ZFHX3: variants seen among roughly 807,000 people sequenced by gnomAD.
The protein encoded by ZFHX3 is zinc finger homeobox protein 3.
ZFHX3 carries 42 observed loss-of-function variants against 279.1 expected under a neutral mutation model. That is an observed-to-expected ratio of 0.15 (90% CI 0.12 to 0.19). The LOEUF is 0.19. Ranked by LOEUF, ZFHX3 falls within the 10% of genes least tolerant of loss-of-function variation. The probability of loss-of-function intolerance (pLI) is 1.00; values close to 1 mark genes in which losing one functional copy is unlikely to be tolerated. For missense variants in ZFHX3, 4,981 were observed against 4,754.0 expected, an observed-to-expected ratio of 1.05 and a Z score of -1.40; for synonymous variants, 2,293 against 1,957.8, an observed-to-expected ratio of 1.17 and a Z score of -4.52.
chr16:73,576,143 A>AT (rs573434789), intron 2 of ZFHX3, among the ~76,000 whole-genome samples: 182 of 151,076 alleles, frequency 1.2e-3, no homozygotes, highest in Non-Finnish European at 2.0e-3. Flanking sequence ...TCATGGCACT[A>AT]TTTTTTTTTA....
chr16:73,494,059 C>G (rs1182310372), intron 2 of ZFHX3, among the ~76,000 whole-genome samples: 1 of 152,132 alleles, frequency 6.6e-6, no homozygotes, highest in Non-Finnish European at 1.5e-5. Flanking sequence ...CCTCCCCGGT[C>G]TCCCTCAGGG....
chr16:73,800,378 G>A (rs1352406822), intron 1 of ZFHX3, among the ~76,000 whole-genome samples: 1 of 151,900 alleles, frequency 6.6e-6, no homozygotes, highest in Non-Finnish European at 1.5e-5. Flanking sequence ...CCACCCGCCT[G>A]GCTAATTTTT....
At chr16:73,677,259 T>C (rs2052964608) in intron 2 of ZFHX3, among the ~76,000 whole-genome samples, 3 of 151,942 alleles carry the variant, frequency 2.0e-5, no homozygotes, top group Non-Finnish European at 4.4e-5. Context: ...TCAACCACTT[T>C]AAAATTTAAA....
chr16:72,904,169 C>T (rs574999134), intron 3 of ZFHX3, among the ~76,000 whole-genome samples: 1 of 152,154 alleles, frequency 6.6e-6, no homozygotes. Flanking sequence ...AGTTAGAGAC[C>T]AGCTTGGCCA....
At chr16:72,991,194 C>T (rs61208973) in intron 1 of ZFHX3, among the ~76,000 whole-genome samples, 26,876 of 152,070 alleles carry the variant, frequency 0.18, 2,649 homozygotes, top group East Asian at 0.41. Flanking sequence ...ACTGTCATTA[C>T]AGGATATTGT....
At chr16:73,747,249 T>A (rs536114745) in intron 1 of ZFHX3, among the ~76,000 whole-genome samples, 1 of 152,124 alleles carries the variant, frequency 6.6e-6, no homozygotes, top group African/African-American at 2.4e-5. Flanking sequence ...CCAGACATGA[T>A]GGCTCATGCC....
chr16:73,374,015 A>G (rs538053428), intron 3 of ZFHX3, among the ~76,000 whole-genome samples: 1 of 152,338 alleles, frequency 6.6e-6, no homozygotes, highest in African/African-American at 2.4e-5. Flanking sequence ...GATGGAATGC[A>G]GCATGCACGG....
intron 1 of ZFHX3, among the ~76,000 whole-genome samples, chr16:73,846,365 G>A (rs1464371529): frequency 1.3e-5 from 2 of 152,144 alleles, no homozygotes; most frequent in East Asian, 3.9e-4. Context: ...AAACATGAAT[G>A]AGCCAATTAA....
chr16:73,692,817 G>A (rs539216759), intron 1 of ZFHX3, among the ~76,000 whole-genome samples: 2 of 152,132 alleles, frequency 1.3e-5, no homozygotes, highest in African/African-American at 4.8e-5. Context: ...AATTATTCCT[G>A]GCATGAAAGA....
chr16:73,254,511 T>C (rs1274173791), intron 5 of ZFHX3, among the ~76,000 whole-genome samples: 2 of 151,982 alleles, frequency 1.3e-5, no homozygotes, highest in African/African-American at 4.8e-5. Context: ...GAAAGAATCA[T>C]GGGATTCTTT....
intron 2 of ZFHX3, among the ~76,000 whole-genome samples, chr16:73,651,211 G>C (rs2142165610): frequency 6.7e-6 from 1 of 148,226 alleles, no homozygotes; most frequent in East Asian, 2.0e-4. Flanking sequence ...GTATTAGTCA[G>C]ATGAAATTAT....
chr16:73,634,594 C>T (rs1027439598), intron 2 of ZFHX3, among the ~76,000 whole-genome samples: 3 of 151,828 alleles, frequency 2.0e-5, no homozygotes, highest in Non-Finnish European at 4.4e-5. Flanking sequence ...TTATTTAACC[C>T]ATTTTGCACC....
chr16:73,427,863 A>C (rs751263211), intron 3 of ZFHX3, among the ~76,000 whole-genome samples: 1 of 152,036 alleles, frequency 6.6e-6, no homozygotes, highest in Non-Finnish European at 1.5e-5. Flanking sequence ...GAATCACTGG[A>C]ACCCGGGAGG....
At chr16:72,874,378 T>C (rs936534196) in intron 4 of ZFHX3, among the ~76,000 whole-genome samples, 1 of 151,802 alleles carries the variant, frequency 6.6e-6, no homozygotes, top group Non-Finnish European at 1.5e-5. Context: ...GGCTAATTTT[T>C]TGTATTTTTA....
At chr16:73,758,909 A>C (rs910345273) in intron 1 of ZFHX3, among the ~76,000 whole-genome samples, 2 of 152,238 alleles carry the variant, frequency 1.3e-5, no homozygotes, top group African/African-American at 4.8e-5. Context: ...TAAGGCAGAT[A>C]CTATTATCCC....
At chr16:73,693,814 A>G (rs1312289133) in intron 1 of ZFHX3, among the ~76,000 whole-genome samples, 3 of 152,176 alleles carry the variant, frequency 2.0e-5, no homozygotes, top group African/African-American at 7.2e-5. Flanking sequence ...TACAACTGCT[A>G]AAGAAAGTAA....
At chr16:73,116,910 C>G (rs985123365) in intron 7 of ZFHX3, among the ~76,000 whole-genome samples, 6 of 152,190 alleles carry the variant, frequency 3.9e-5, no homozygotes, top group African/African-American at 1.4e-4. Context: ...TGTCTCCCGG[C>G]TTGTTCTGGT....
chr16:72,877,638 C>T (rs1264307269), intron 4 of ZFHX3, among the ~76,000 whole-genome samples: 1 of 152,172 alleles, frequency 6.6e-6, no homozygotes, highest in Non-Finnish European at 1.5e-5. Flanking sequence ...GTGTTTCATA[C>T]TTGGGCGGTG....
chr16:73,521,771 T>C (rs1039469239), intron 2 of ZFHX3, among the ~76,000 whole-genome samples: 3 of 152,140 alleles, frequency 2.0e-5, no homozygotes, highest in African/African-American at 7.2e-5. Context: ...TAGTAAACAA[T>C]AAACTTGGAA....
Sources: allele counts gnomAD v4.1 joint callset (sites outside exome capture counted in the v4.1 genomes callset), GRCh38; gene constraint gnomAD v4.1.1; transcripts MANE v1.5; gene names NCBI Gene and HGNC (gene_info 2026-07-23, HGNC 2026-07-21).